ARHGEF26: variants seen among roughly 807,000 people sequenced by gnomAD.
The protein encoded by ARHGEF26 is Rho guanine nucleotide exchange factor (GEF) 26.
ARHGEF26 carries 59 observed loss-of-function variants against 89.4 expected under a neutral mutation model. The ratio of observed to expected loss-of-function variants is 0.66; its 90% confidence interval spans 0.54 to 0.82. ARHGEF26 has a LOEUF of 0.82. Among genes scored for constraint, ARHGEF26 ranks in the 40% least tolerant of loss-of-function variants. The pLI, the probability that ARHGEF26 is intolerant of heterozygous loss-of-function variation, is 0.00. For synonymous variants in ARHGEF26, 500 were observed against 428.4 expected, an observed-to-expected ratio of 1.17 and a Z score of -2.06; for missense variants, 1,234 against 1,085.6, an observed-to-expected ratio of 1.14 and a Z score of -1.92.
At chr3:154,202,428 G>A (rs1218160864) in intron 9 of ARHGEF26, among the ~76,000 whole-genome samples, 3 of 152,206 alleles carry the variant, frequency 2.0e-5, no homozygotes, top group South Asian at 4.2e-4. Context: ...TTTGAAGTCA[G>A]GTAGCGTGAT....
chr3:154,155,246 A>T (rs1720260721), intron 6 of ARHGEF26, among the ~76,000 whole-genome samples: 1 of 152,082 alleles, frequency 6.6e-6, no homozygotes, highest in Non-Finnish European at 1.5e-5. Context: ...TAAACTAATA[A>T]TATTCCTCTA....
chr3:154,228,236 C>T (rs1716610680), intron 11 of ARHGEF26, among the ~76,000 whole-genome samples: 1 of 150,860 alleles, frequency 6.6e-6, no homozygotes, highest in Non-Finnish European at 1.5e-5. Context: ...CTCCCAGGTT[C>T]AAGTGATTCT....
At chr3:154,180,051 A>G (rs1713085341) in intron 6 of ARHGEF26, among the ~76,000 whole-genome samples, 1 of 151,750 alleles carries the variant, frequency 6.6e-6, no homozygotes, top group Admixed American at 6.6e-5. Flanking sequence ...TGGCTTATGA[A>G]TTTTTCTGTC....
At chr3:154,176,695 T>C (rs953402017) in intron 6 of ARHGEF26, among the ~76,000 whole-genome samples, 2 of 152,146 alleles carry the variant, frequency 1.3e-5, no homozygotes, top group African/African-American at 4.8e-5. Flanking sequence ...AAGCCAGTAG[T>C]TAGAAATTCG....
intron 4 of ARHGEF26, among the ~76,000 whole-genome samples, chr3:154,148,482 GACAAA>G (rs2108089105): frequency 6.6e-6 from 1 of 152,242 alleles, no homozygotes; most frequent in African/African-American, 2.4e-5. Context: ...CTTTTGATAG[GACAAA>G]GTACTCTTAA....
intron 6 of ARHGEF26, among the ~76,000 whole-genome samples, chr3:154,182,576 A>G (rs80147770): frequency 0.013 from 2,025 of 152,218 alleles, 20 homozygotes; most frequent in Non-Finnish European, 0.021. Context: ...CACTACGTTG[A>G]TTTGTGTAAT....
At chr3:154,244,656 TATA>T (rs1327633252) in intron 12 of ARHGEF26, among the ~76,000 whole-genome samples, 3 of 151,934 alleles carry the variant, frequency 2.0e-5, no homozygotes, top group African/African-American at 7.3e-5. Flanking sequence ...TATATATAAT[TATA>T]ATATTACATA....
chr3:154,227,614 A>G (rs1716573326), intron 11 of ARHGEF26, among the ~76,000 whole-genome samples: 1 of 152,186 alleles, frequency 6.6e-6, no homozygotes, highest in Admixed American at 6.5e-5. Context: ...GAGAAGAATT[A>G]TAATTTTTAT....
rs1253016866 is a variant in ARHGEF26, at chr3:154,141,963, G to T, written c.1270-7426G>T. Reference sequence around the variant, plus strand: ...TAGTGAATGAGGCAAACAAAACAAGGCTAAAACCCAGCCTACCCTCCAGGA... The same window carrying T: ...TAGTGAATGAGGCAAACAAAACAAGTCTAAAACCCAGCCTACCCTCCAGGA... On this transcript the variant is annotated intron_variant, in intron 4 of 14. Coordinates refer to ENST00000465093, the MANE Select transcript of ARHGEF26 (RefSeq NM_015595.4). Among the ~76,000 whole-genome samples, 4 of 152,206 alleles carry T rather than the reference G, an allele frequency of 2.6e-5. No individual in the cohort carries two copies. In the East Asian group the frequency reaches 5.8e-4, roughly 22 times the overall value.
intron 12 of ARHGEF26, among the ~76,000 whole-genome samples, chr3:154,243,610 T>A (rs1169980865): frequency 6.6e-6 from 1 of 152,216 alleles, no homozygotes; most frequent in African/African-American, 2.4e-5. Context: ...TTTAGTCATG[T>A]CACTTGGAAA....
At chr3:154,204,520 G>A (rs762786619) in intron 9 of ARHGEF26, among the ~76,000 whole-genome samples, 3 of 151,574 alleles carry the variant, frequency 2.0e-5, no homozygotes, top group Non-Finnish European at 4.4e-5. Flanking sequence ...TAGTAGAGAT[G>A]GGGTTTCACC....
chr3:154,226,310 C>T (rs1298998688), intron 11 of ARHGEF26, among the ~76,000 whole-genome samples: 3 of 152,140 alleles, frequency 2.0e-5, no homozygotes, highest in Non-Finnish European at 4.4e-5. Flanking sequence ...TTTTTATTCT[C>T]ATTCTGTGTT....
Position 154,123,092 on chromosome 3 carries a change from G to A in ARHGEF26, c.1083+17G>A, listed in dbSNP as rs544577271. 38 of 1,612,120 alleles carry A rather than the reference G, an allele frequency of 2.4e-5. 2 individuals carry two copies. In the South Asian group the frequency reaches 4.2e-4, roughly 18 times the overall value. On this transcript the variant is annotated intron_variant, in intron 2 of 14. Coordinates refer to ENST00000465093, the MANE Select transcript of ARHGEF26 (RefSeq NM_015595.4). ...AGGATAAAGGTAAAAGTGGGCAGGA[G>A]TGTGGCACGCCATTCACTAAGCGGA...
chr3:154,230,092 T>G (rs1449682910), intron 11 of ARHGEF26, among the ~76,000 whole-genome samples: 1 of 152,230 alleles, frequency 6.6e-6, no homozygotes. Context: ...TTGTAAGATA[T>G]AGTCCCTTCT....
intron 7 of ARHGEF26, 115 bp downstream of exon 7, chr3:154,187,952 AT>A: frequency 9.6e-7 from 1 of 1,039,916 alleles, no homozygotes; most frequent in Non-Finnish European, 1.3e-6. Context: ...CTGATAGGCT[AT>A]TTCCCAGAGG....
chr3:154,178,102 G>A (rs1053643354), intron 6 of ARHGEF26, among the ~76,000 whole-genome samples: 2 of 152,116 alleles, frequency 1.3e-5, no homozygotes, highest in Non-Finnish European at 2.9e-5. Flanking sequence ...TACTCGGGAG[G>A]CTGAGGCAAG....
intron 7 of ARHGEF26, among the ~76,000 whole-genome samples, chr3:154,188,744 C>T (rs1432099863): frequency 2.0e-5 from 3 of 152,148 alleles, no homozygotes; most frequent in Non-Finnish European, 4.4e-5. Flanking sequence ...TAACTTATGG[C>T]TGCTTGGAGA....
At chr3:154,158,250 G>C (rs1167496101) in intron 6 of ARHGEF26, among the ~76,000 whole-genome samples, 2 of 152,222 alleles carry the variant, frequency 1.3e-5, no homozygotes, top group African/African-American at 4.8e-5. Flanking sequence ...ACAGAAATGA[G>C]TTAAATAGGA....
At chr3:154,193,525 C>G (rs1714076500) in intron 8 of ARHGEF26, among the ~76,000 whole-genome samples, 3 of 145,676 alleles carry the variant, frequency 2.1e-5, no homozygotes, top group African/African-American at 7.3e-5. Context: ...TGCCTGATGC[C>G]TGTTGCTCTA....
Sources: gnomAD v4.1 joint callset for allele counts (sites outside exome capture counted in the v4.1 genomes callset) on GRCh38, gnomAD v4.1.1 for gene constraint, MANE v1.5 for transcripts, NCBI Gene and HGNC (gene_info 2026-07-23, HGNC 2026-07-21) for gene names.